The following SRGAP3 variants were observed in gnomAD, a reference collection of about 807,000 sequenced individuals.
SRGAP3 encodes the protein SLIT-ROBO Rho GTPase-activating protein 3.
SRGAP3 carries 39 observed loss-of-function variants against 121.1 expected under a neutral mutation model. The observed-to-expected ratio is 0.32, with a 90% confidence interval of 0.25 to 0.42. The LOEUF is 0.42. Among genes scored for constraint, SRGAP3 ranks in the 10% least tolerant of loss-of-function variants. The pLI, the probability that SRGAP3 is intolerant of heterozygous loss-of-function variation, is 1.00. For synonymous variants in SRGAP3, 601 were observed against 570.0 expected (o/e 1.05, Z -0.77); for missense variants, 1,213 against 1,470.6 (o/e 0.82, Z 2.86).
At chr3:9,182,472 T>C (rs1951444697) in intron 1 of SRGAP3, among the ~76,000 whole-genome samples, 1 of 151,940 alleles carries the variant, frequency 6.6e-6, no homozygotes, top group Non-Finnish European at 1.5e-5. Context: ...AGGAAGGATT[T>C]TCCCCCAGAG....
chr3:9,054,800 T>A (rs745771327), intron 8 of SRGAP3, among the ~76,000 whole-genome samples: 5 of 152,250 alleles, frequency 3.3e-5, no homozygotes, highest in Non-Finnish European at 7.3e-5. Context: ...TTACTCTATA[T>A]CTAGAACAAT....
chr3:9,046,382 G>A (rs1277394044), intron 10 of SRGAP3, among the ~76,000 whole-genome samples: 1 of 152,240 alleles, frequency 6.6e-6, no homozygotes, highest in Non-Finnish European at 1.5e-5. Context: ...CAGATGCAAA[G>A]GCCCTGGGGC....
chr3:9,339,553 A>G (rs1164953270), intron 1 of SRGAP3, among the ~76,000 whole-genome samples: 1 of 152,208 alleles, frequency 6.6e-6, no homozygotes, highest in Non-Finnish European at 1.5e-5. Context: ...GCAATGTGAT[A>G]TGGAGAGCTC....
At chr3:9,079,845 G>A (rs1325481803) in intron 4 of SRGAP3, among the ~76,000 whole-genome samples, 180 bp downstream of exon 4, 1 of 152,236 alleles carries the variant, frequency 6.6e-6, no homozygotes, top group Non-Finnish European at 1.5e-5. Context: ...CAGATGTACA[G>A]AATCAGAAGC....
chr3:8,993,254 A>G lies in SRGAP3; in HGVS notation c.2409-199T>C, dbSNP rs34251489. ...TGCAACACTCCTGGTCAGTTTCCGC[A>G]GCTGGGACCCTCTTCTGTCCCACAC... On this transcript the variant is annotated intron_variant, in intron 19 of 21. Coordinates refer to ENST00000383836, the MANE Select transcript of SRGAP3 (RefSeq NM_014850.4). Among the ~76,000 whole-genome samples, 785 of 152,294 alleles carry G rather than the reference A, an allele frequency of 5.2e-3. 5 individuals carry two copies. The highest frequency in any genetic ancestry group is 7.4e-3 in the Non-Finnish European group (500 of 68,016).
At chr3:9,104,898 G>C in intron 2 of SRGAP3, 56 bp from the exon 3 acceptor site, 2 of 1,608,244 alleles carry the variant, frequency 1.2e-6, no homozygotes, top group Non-Finnish European at 1.7e-6. Flanking sequence ...TCCAACAGTG[G>C]TTTATGCTGT....
intron 17 of SRGAP3, among the ~76,000 whole-genome samples, chr3:9,011,537 C>T (rs1001037690): frequency 2.6e-5 from 4 of 152,204 alleles, no homozygotes; most frequent in African/African-American, 9.7e-5. Flanking sequence ...CTTCCCACTC[C>T]TCACTGGGTT....
At chr3:9,021,869 C>T (rs1443900540) in intron 14 of SRGAP3, among the ~76,000 whole-genome samples, 1 of 152,112 alleles carries the variant, frequency 6.6e-6, no homozygotes. Flanking sequence ...GCGGGTGCGT[C>T]GCTTTGAGCC....
At chr3:9,015,446 T>G in intron 15 of SRGAP3, 151 bp downstream of exon 15, 1 of 1,027,846 alleles carries the variant, frequency 9.7e-7, no homozygotes, top group Non-Finnish European at 1.4e-6. Flanking sequence ...TAAACCATCT[T>G]GTTATTTCCG....
rs767652463 is a variant in SRGAP3, at chr3:9,163,986, C to CTTTTT, written c.68-39074_68-39070dup. 5.8e-4 allele frequency among the ~76,000 whole-genome samples: 48 copies of CTTTTT among 83,322 alleles called. 2 individuals are homozygous for CTTTTT. Among genetic ancestry groups the CTTTTT allele is most frequent in the Admixed American group, 8.8e-4 (7 of 7,948 alleles). The allele number at this position is 83,322 out of a possible 152,430, so 54.7% of individuals were successfully genotyped here. A position where few individuals can be genotyped will look rare whatever the true frequency, so the allele number is the denominator to read the frequency against. On this transcript the variant is annotated intron_variant, in intron 1 of 21. Coordinates refer to ENST00000383836, the MANE Select transcript of SRGAP3 (RefSeq NM_014850.4). ...TTTAATGCTCCCAGCAACTACTATT[C>CTTTTT]TTTTTTTTTTTTTTTTTTTTTTTTT...
chr3:9,335,218 T>C (rs1045563182), intron 1 of SRGAP3, among the ~76,000 whole-genome samples: 2 of 152,226 alleles, frequency 1.3e-5, no homozygotes, highest in Admixed American at 6.5e-5. Flanking sequence ...TCATTTGGGA[T>C]AGCAGGGCCG....
At chr3:8,987,424 A>G (rs1941777385) in intron 21 of SRGAP3, among the ~76,000 whole-genome samples, 1 of 152,130 alleles carries the variant, frequency 6.6e-6, no homozygotes, top group Non-Finnish European at 1.5e-5. Context: ...AATCCTAAAA[A>G]AAATAAATAA....
chr3:9,137,545 G>C (rs905038748), intron 1 of SRGAP3, among the ~76,000 whole-genome samples: 7 of 152,192 alleles, frequency 4.6e-5, no homozygotes, highest in Admixed American at 2.0e-4. Context: ...TTTCTTCTAT[G>C]TAAGAGGAAA....
Position 9,183,267 on chromosome 3 carries a change from C to T in SRGAP3, c.68-58350G>A, listed in dbSNP as rs111251581. The stretch of plus-strand genomic sequence containing the variant: ...AAGAGTGTGCACAGTGCAGCCACGG[C>T]GCCTGGGTCAAACTCTGCTTCTACC... On this transcript the variant is annotated intron_variant, in intron 1 of 21. Coordinates refer to ENST00000383836, the MANE Select transcript of SRGAP3 (RefSeq NM_014850.4). Among the ~76,000 whole-genome samples the T allele has an allele frequency of 2.4e-3, 370 of 152,226 alleles. 3 individuals carry two copies. The highest frequency in any genetic ancestry group is 7.2e-3 in the African/African-American group (300 of 41,526).
At chr3:9,077,452 A>G (rs779296668) in intron 4 of SRGAP3, among the ~76,000 whole-genome samples, 2 of 152,128 alleles carry the variant, frequency 1.3e-5, no homozygotes, top group African/African-American at 4.8e-5. Flanking sequence ...TGAGTTTCTG[A>G]GTAACTACTG....
chr3:9,133,488 A>G (rs1171157118), intron 1 of SRGAP3, among the ~76,000 whole-genome samples: 3 of 152,244 alleles, frequency 2.0e-5, no homozygotes, highest in Admixed American at 6.5e-5. Context: ...TATCTAAAAA[A>G]AAGTAATAAT....
chr3:9,338,335 G>A (rs1303503343), intron 1 of SRGAP3, among the ~76,000 whole-genome samples: 2 of 152,216 alleles, frequency 1.3e-5, no homozygotes, highest in Admixed American at 6.5e-5. Context: ...GCCACCAAAG[G>A]AAAGGCTGGT....
intron 4 of SRGAP3, among the ~76,000 whole-genome samples, chr3:9,065,858 C>T (rs757123965): frequency 6.6e-6 from 1 of 152,110 alleles, no homozygotes; most frequent in East Asian, 1.9e-4. Flanking sequence ...AATACCCAGG[C>T]GTGGGATGGA....
intron 1 of SRGAP3, among the ~76,000 whole-genome samples, chr3:9,156,701 CTT>C (rs763630680): frequency 3.3e-5 from 5 of 152,140 alleles, no homozygotes; most frequent in Non-Finnish European, 7.3e-5. Flanking sequence ...ATCATTTGGT[CTT>C]GTCACTAAAG....
Sources: gnomAD v4.1 joint callset for allele counts (sites outside exome capture counted in the v4.1 genomes callset) on GRCh38, gnomAD v4.1.1 for gene constraint, MANE v1.5 for transcripts, NCBI Gene and HGNC (gene_info 2026-07-23, HGNC 2026-07-21) for gene names.